Variants in HS6ST3 observed in about 807,000 individuals in gnomAD.
The protein encoded by HS6ST3 is heparan sulfate 6-O-sulfotransferase 3.
Under a neutral mutation model 36.7 loss-of-function variants are expected in HS6ST3, and 12 were observed. The observed-to-expected ratio is 0.33, with a 90% CI of 0.21 to 0.53. HS6ST3 has a LOEUF of 0.53. Among genes scored for constraint, HS6ST3 ranks in the 20% least tolerant of loss-of-function variants. The pLI, the probability that HS6ST3 is intolerant of heterozygous loss-of-function variation, is 0.95. For synonymous variants in HS6ST3, 240 were observed against 257.5 expected (o/e 0.93, Z 0.65); for missense variants, 584 against 640.9 (o/e 0.91, Z 0.96).
At chr13:96,587,812 G>A (rs1004437958) in intron 1 of HS6ST3, among the ~76,000 whole-genome samples, 1 of 152,128 alleles carries the variant, frequency 6.6e-6, no homozygotes, top group African/African-American at 2.4e-5. Flanking sequence ...GTATTTTGGT[G>A]GGGACAAATT....
intron 1 of HS6ST3, among the ~76,000 whole-genome samples, chr13:96,147,306 A>T (rs2054062888): frequency 6.6e-6 from 1 of 152,144 alleles, no homozygotes; most frequent in Admixed American, 6.5e-5. Context: ...CACTCAAATC[A>T]CAGCTAACTT....
At chr13:96,267,818 G>A (rs2054699973) in intron 1 of HS6ST3, among the ~76,000 whole-genome samples, 3 of 151,938 alleles carry the variant, frequency 2.0e-5, no homozygotes, top group African/African-American at 7.3e-5. Flanking sequence ...GGAAGGGGCA[G>A]TTATGTTGCT....
chr13:96,518,003 A>G (rs1594798410), intron 1 of HS6ST3, among the ~76,000 whole-genome samples: 1 of 152,224 alleles, frequency 6.6e-6, no homozygotes, highest in South Asian at 2.1e-4. Context: ...TGTGGTACAT[A>G]TACACCATGG....
intron 1 of HS6ST3, among the ~76,000 whole-genome samples, chr13:96,300,011 G>A (rs2054873725): frequency 1.3e-5 from 2 of 150,448 alleles, no homozygotes; most frequent in African/African-American, 4.9e-5. Context: ...GTCTTCACAT[G>A]GCAGCAGGAG....
intron 1 of HS6ST3, among the ~76,000 whole-genome samples, chr13:96,497,116 A>G (rs1207045162): frequency 6.6e-6 from 1 of 152,088 alleles, no homozygotes; most frequent in Non-Finnish European, 1.5e-5. Flanking sequence ...GCACCGGGGG[A>G]AGATCTCTAG....
chr13:96,258,835 A>T (rs117275120), intron 1 of HS6ST3, among the ~76,000 whole-genome samples: 1 of 152,306 alleles, frequency 6.6e-6, no homozygotes, highest in Non-Finnish European at 1.5e-5. Flanking sequence ...AGAAATAGTG[A>T]TGAACGTAGC....
At chr13:96,308,711 C>T (rs1390024575) in intron 1 of HS6ST3, among the ~76,000 whole-genome samples, 1 of 152,138 alleles carries the variant, frequency 6.6e-6, no homozygotes, top group Non-Finnish European at 1.5e-5. Context: ...AAGAACCCCT[C>T]TGAACAGCCA....
At chr13:96,370,812 G>A (rs1426972823) in intron 1 of HS6ST3, among the ~76,000 whole-genome samples, 1 of 152,080 alleles carries the variant, frequency 6.6e-6, no homozygotes, top group East Asian at 1.9e-4. Context: ...CAGGAGAATC[G>A]CTTGAACCCC....
chr13:96,658,268 CTTTTTTTTTT>C lies in HS6ST3; in HGVS notation c.708-174201_708-174192del, dbSNP rs71213623. On this transcript the variant is annotated intron_variant, in intron 1 of 1. Coordinates refer to ENST00000376705, the MANE Select transcript of HS6ST3 (RefSeq NM_153456.4). ...TTCTTCTTCTTCTTCTCTTCTTCTT[CTTTTTTTTTT>C]TTTTTTTTTTTTTTTTTTTTGAGAT... is the stretch of plus-strand genomic sequence containing the variant. Among the ~76,000 whole-genome samples the C allele has an allele frequency of 3.4e-4, 26 of 76,176 alleles. 1 individual carries two copies. The highest frequency in any genetic ancestry group is 1.1e-3 in the African/African-American group (20 of 18,520). 50.0% of individuals were successfully genotyped at this position (76,176 alleles called of 152,430 possible). A position where few individuals can be genotyped will look rare whatever the true frequency, so the allele number is the denominator to read the frequency against.
chr13:96,153,505 G>A (rs1196121972), intron 1 of HS6ST3, among the ~76,000 whole-genome samples: 1 of 151,990 alleles, frequency 6.6e-6, no homozygotes, highest in Non-Finnish European at 1.5e-5. Flanking sequence ...TTTCATCCCC[G>A]CTATGTGAAA....
chr13:96,297,444 T>A (rs1008175206), intron 1 of HS6ST3, among the ~76,000 whole-genome samples: 3 of 152,186 alleles, frequency 2.0e-5, no homozygotes, highest in African/African-American at 4.8e-5. Flanking sequence ...TCTTAATCCA[T>A]CTTTTAAAAC....
intron 1 of HS6ST3, among the ~76,000 whole-genome samples, chr13:96,813,243 C>G (rs1466308795): frequency 1.3e-5 from 2 of 152,122 alleles, no homozygotes; most frequent in Non-Finnish European, 2.9e-5. Flanking sequence ...GTTAAAAACA[C>G]AGAAAAATAG....
chr13:96,544,621 G>T (rs1266687636), intron 1 of HS6ST3, among the ~76,000 whole-genome samples: 1 of 152,132 alleles, frequency 6.6e-6, no homozygotes, highest in East Asian at 1.9e-4. Context: ...TATGATCTTT[G>T]TGACAACTCT....
chr13:96,365,912 A>G (rs1427645458), intron 1 of HS6ST3, among the ~76,000 whole-genome samples: 1 of 152,170 alleles, frequency 6.6e-6, no homozygotes, highest in Non-Finnish European at 1.5e-5. Context: ...TAAATTTGCT[A>G]ATATTTAAAA....
At chr13:96,494,982 C>T (rs981701308) in intron 1 of HS6ST3, among the ~76,000 whole-genome samples, 2 of 152,140 alleles carry the variant, frequency 1.3e-5, no homozygotes, top group East Asian at 1.9e-4. Context: ...AATTACATTG[C>T]TCCCATCCTC....
rs145251241 is a variant in HS6ST3 at position 96,815,636 on chromosome 13, A to G, written c.708-16854A>G. On this transcript the variant is annotated intron_variant, in intron 1 of 1. Transcript: ENST00000376705. ...TCATAGCAGATCATTTAATCACTCA[A>G]TTTCTTTAGAGAGCAGTTGTCTGAT... Among the ~76,000 whole-genome samples the G allele has an allele frequency of 2.4e-3, 361 of 152,092 alleles. 3 individuals are homozygous for G. The highest frequency in any genetic ancestry group is 7.7e-3 in the African/African-American group (321 of 41,506).
At chr13:96,711,842 G>C (rs993151036) in intron 1 of HS6ST3, among the ~76,000 whole-genome samples, 36 of 152,210 alleles carry the variant, frequency 2.4e-4, no homozygotes, top group African/African-American at 8.7e-4. Flanking sequence ...GTTTGTTTTT[G>C]TTTCTACATT....
intron 1 of HS6ST3, among the ~76,000 whole-genome samples, chr13:96,554,122 C>T (rs559113220): frequency 6.6e-6 from 1 of 152,288 alleles, no homozygotes; most frequent in Non-Finnish European, 1.5e-5. Flanking sequence ...TGCCACAGCT[C>T]AGGTTGTGTT....
At chr13:96,331,361 G>A (rs2055066109) in intron 1 of HS6ST3, among the ~76,000 whole-genome samples, 1 of 151,698 alleles carries the variant, frequency 6.6e-6, no homozygotes, top group Non-Finnish European at 1.5e-5. Context: ...GGTTTTTGGT[G>A]TGGATGTCCT....
Sources: gnomAD v4.1 joint callset for allele counts (sites outside exome capture counted in the v4.1 genomes callset) on GRCh38, gnomAD v4.1.1 for gene constraint, MANE v1.5 for transcripts, NCBI Gene and HGNC (gene_info 2026-07-23, HGNC 2026-07-21) for gene names.